SEC22A: variants seen among roughly 807,000 people sequenced by gnomAD.
The protein encoded by SEC22A is vesicle-trafficking protein SEC22a.
Under a neutral mutation model 35.3 loss-of-function variants are expected in SEC22A, and 22 were observed. The ratio of observed to expected loss-of-function variants is 0.62; its 90% CI spans 0.45 to 0.89. SEC22A has a LOEUF of 0.89. SEC22A is among the 40% of genes least tolerant of loss of function. The pLI is 0.00. For missense variants in SEC22A, 354 were observed against 362.5 expected (o/e 0.98, Z 0.19); for synonymous variants, 119 against 129.5 (o/e 0.92, Z 0.55).
intron 5 of SEC22A, among the ~76,000 whole-genome samples, chr3:123,256,557 T>G (rs1937736488): frequency 6.6e-6 from 1 of 152,134 alleles, no homozygotes; most frequent in Non-Finnish European, 1.5e-5. Context: ...GTTTAAGCTT[T>G]ACTCCATCTA....
intron 6 of SEC22A, among the ~76,000 whole-genome samples, chr3:123,270,672 A>G (rs2108114827): frequency 6.6e-6 from 1 of 152,368 alleles, no homozygotes; most frequent in African/African-American, 2.4e-5. Context: ...GACAAACAAA[A>G]TAAGCACATT....
intron 1 of SEC22A, among the ~76,000 whole-genome samples, chr3:123,207,780 G>A (rs1357496074): frequency 6.6e-6 from 1 of 152,188 alleles, no homozygotes; most frequent in African/African-American, 2.4e-5. Flanking sequence ...AGTTCCTTCA[G>A]ACTCAGGCCT....
intron 4 of SEC22A, among the ~76,000 whole-genome samples, chr3:123,226,777 G>C (rs907797584): frequency 1.1e-4 from 16 of 152,202 alleles, no homozygotes; most frequent in South Asian, 6.2e-4. Context: ...TATTACTCAA[G>C]AGATCTTTGC....
chr3:123,204,676 G>T (rs1049574881), intron 1 of SEC22A: 2 of 152,190 alleles, frequency 1.3e-5, no homozygotes, highest in African/African-American at 4.8e-5. Context: ...AGTTTACCCA[G>T]ATTTACCTAG....
chr3:123,259,661 G>A, intron 6 of SEC22A, 72 bp downstream of exon 6: 1 of 1,022,010 alleles, frequency 9.8e-7, no homozygotes, highest in Non-Finnish European at 1.5e-6. Flanking sequence ...TAACAATTGT[G>A]CATTTTAAAT....
At chr3:123,217,557 A>T (rs1454605330) in intron 2 of SEC22A, among the ~76,000 whole-genome samples, 1 of 151,992 alleles carries the variant, frequency 6.6e-6, no homozygotes, top group Non-Finnish European at 1.5e-5. Context: ...TAGATTAGAG[A>T]TGGTATGTCC....
intron 1 of SEC22A, among the ~76,000 whole-genome samples, chr3:123,206,873 A>C (rs1301158971): frequency 6.6e-6 from 1 of 152,226 alleles, no homozygotes; most frequent in African/African-American, 2.4e-5. Flanking sequence ...AGATCACTTC[A>C]GGCCAGGAGT....
intron 2 of SEC22A, among the ~76,000 whole-genome samples, chr3:123,217,203 AT>A (rs201483175): frequency 6.6e-4 from 96 of 144,614 alleles, no homozygotes; most frequent in Admixed American, 6.9e-4. Flanking sequence ...ATTCCAAAAC[AT>A]TTTTTTTTTT....
At chr3:123,242,919 C>A (rs935652339) in intron 4 of SEC22A, among the ~76,000 whole-genome samples, 2 of 152,106 alleles carry the variant, frequency 1.3e-5, no homozygotes, top group African/African-American at 2.4e-5. Context: ...CTTTTGATCT[C>A]TTTACAACCC....
At chr3:123,232,284 A>G (rs776634427) in intron 4 of SEC22A, among the ~76,000 whole-genome samples, 7 of 152,236 alleles carry the variant, frequency 4.6e-5, no homozygotes, top group Non-Finnish European at 8.8e-5. Flanking sequence ...CTGACCTTCT[A>G]GAAATAAAAA....
intron 5 of SEC22A, among the ~76,000 whole-genome samples, chr3:123,249,766 C>T (rs142881917): frequency 1.4e-4 from 21 of 152,156 alleles, no homozygotes; most frequent in South Asian, 8.3e-4. Context: ...TCTAGTGATC[C>T]GCCCACCTTG....
rs1559763879 is a variant in SEC22A, at chr3:123,260,169, A to AAAAAAAAC, written c.723+580_723+581insAAAAAAAC. ...AAAAAAAAAAAAAAAAAAAAAAAAAACTACTAGATTTTCTGGTGGTTGATT... is the reference window on the plus strand; with the variant it reads ...AAAAAAAAAAAAAAAAAAAAAAAAAAAAAAAAACCTACTAGATTTTCTGGTGGTTGATT... On this transcript the variant is annotated intron_variant, in intron 6 of 6. Coordinates refer to ENST00000492595, the MANE Select transcript of SEC22A (RefSeq NM_012430.5). Among the ~76,000 whole-genome samples, 34 of 114,836 alleles carry AAAAAAAAC rather than the reference A, an allele frequency of 3.0e-4. 1 individual carries two copies. The highest frequency in any genetic ancestry group is 1.1e-3 in the African/African-American group (33 of 28,756). The allele number at this position is 114,836 out of a possible 152,430, so 75.3% of individuals were successfully genotyped here.
At chr3:123,229,875 A>AT (rs1553710289) in intron 4 of SEC22A, among the ~76,000 whole-genome samples, 33 of 150,962 alleles carry the variant, frequency 2.2e-4, no homozygotes, top group African/African-American at 7.5e-4. Context: ...AAAAAAAAAT[A>AT]AATAATAATA....
intron 2 of SEC22A, among the ~76,000 whole-genome samples, chr3:123,209,781 T>C (rs1412185951): frequency 2.6e-5 from 4 of 152,214 alleles, no homozygotes; most frequent in African/African-American, 9.6e-5. Flanking sequence ...CACTTATCAC[T>C]GAGTCACATA....
At chr3:123,224,648 G>T (rs910694478) in intron 3 of SEC22A, among the ~76,000 whole-genome samples, 3 of 152,088 alleles carry the variant, frequency 2.0e-5, no homozygotes, top group African/African-American at 7.2e-5. Context: ...TAAATAAACT[G>T]GGCATGGTGG....
chr3:123,221,907 A>AT (rs980407273), intron 2 of SEC22A, among the ~76,000 whole-genome samples: 16 of 149,636 alleles, frequency 1.1e-4, no homozygotes, highest in African/African-American at 2.0e-4. Flanking sequence ...TATCTGATTT[A>AT]TTTTTTTTTT....
intron 6 of SEC22A, among the ~76,000 whole-genome samples, chr3:123,263,542 A>T (rs2108104138): frequency 6.6e-6 from 1 of 152,248 alleles, no homozygotes; most frequent in South Asian, 2.1e-4. Context: ...TTTGGGACGG[A>T]GTCTTGCTCT....
intron 2 of SEC22A, among the ~76,000 whole-genome samples, chr3:123,210,517 A>G (rs1294851087): frequency 6.6e-6 from 1 of 152,200 alleles, no homozygotes; most frequent in African/African-American, 2.4e-5. Flanking sequence ...TGAGATGCCC[A>G]TTAGACATCC....
At chr3:123,209,547 A>G in intron 2 of SEC22A, 148 bp downstream of exon 2, 1 of 634,326 alleles carries the variant, frequency 1.6e-6, no homozygotes, top group Non-Finnish European at 2.6e-6. Context: ...AATAGTCATC[A>G]TGTCAGCAGC....
Sources: gnomAD v4.1 joint callset for allele counts (sites outside exome capture counted in the v4.1 genomes callset) on GRCh38, gnomAD v4.1.1 for gene constraint, MANE v1.5 for transcripts, NCBI Gene and HGNC (gene_info 2026-07-23, HGNC 2026-07-21) for gene names.